Variants in UMODL1 observed in about 807,000 individuals in gnomAD.
UMODL1 encodes the protein uromodulin like 1.
UMODL1 carries 128 observed loss-of-function variants against 136.3 expected under a neutral mutation model. The ratio of observed to expected loss-of-function variants is 0.94; its 90% confidence interval spans 0.81 to 1.09. UMODL1 has a LOEUF of 1.09. Among genes scored for constraint, UMODL1 ranks in the 50% least tolerant of loss-of-function variants. The pLI, the probability that UMODL1 is intolerant of heterozygous loss-of-function variation, is 0.00. For missense variants in UMODL1, 1,766 were observed against 1,725.6 expected, an observed-to-expected ratio of 1.02 and a Z score of -0.41; for synonymous variants, 721 against 720.0, an observed-to-expected ratio of 1.00 and a Z score of -0.02.
At chr21:42,082,865 C>T (rs1444772221) in intron 2 of UMODL1, among the ~76,000 whole-genome samples, 1 of 152,230 alleles carries the variant, frequency 6.6e-6, no homozygotes, top group African/African-American at 2.4e-5. Flanking sequence ...GGACTCCTGA[C>T]AGCTTCCCTT....
chr21:42,081,574 G>A (rs1163546878), intron 2 of UMODL1, among the ~76,000 whole-genome samples: 2 of 152,190 alleles, frequency 1.3e-5, no homozygotes, highest in African/African-American at 4.8e-5. Context: ...CACGCCTCTG[G>A]TGATTAGGCA....
At chr21:42,138,683 C>A (rs2067240805) in intron 22 of UMODL1, among the ~76,000 whole-genome samples, 1 of 151,946 alleles carries the variant, frequency 6.6e-6, no homozygotes, top group Non-Finnish European at 1.5e-5. Context: ...TAAAGCGATT[C>A]TCCTGTCTCA....
rs780127952 is a variant in UMODL1 at position 42,137,526 on chromosome 21, C to G, written c.3863C>G (p.Ala1288Gly). Residue 1288 changes from alanine (A) to glycine (G), a missense_variant, in exon 22 of 23, where the codon GCC (alanine) becomes GGC (glycine). Ala to Gly is a moderately conservative substitution (Grantham distance 60, BLOSUM62 0). Coordinates refer to ENST00000408910, the MANE Select transcript of UMODL1 (RefSeq NM_001004416.3). Reference protein sequence around the residue: ...VAIFVLVAGTATLLIVRYQRM... With the variant: ...VAIFVLVAGTGTLLIVRYQRM... ...ATCTTCGTGCTGGTGGCGGGAACAG[C>G]CACCCTTCTGATCGTGCGCTACCAG... 6.2e-7 allele frequency: 1 copy of G among 1,614,100 alleles called. No homozygotes were observed. Among genetic ancestry groups the G allele is most frequent in the Non-Finnish European group, 8.5e-7 (1 of 1,180,054 alleles).
At position 42,103,947 on chromosome 21, in the gene UMODL1, CGGGAAGTGT is replaced by C. The variant is rs2066675309; in HGVS notation, c.1382_1390del (p.Gly461_Val463del). ...AGAATGCAGATCGTGTCTCTCCAGGCGGGAAGTGTGGTCGTGAGGCTCAAGCTCACCGTG... is the reference window on the plus strand; with the variant it reads ...AGAATGCAGATCGTGTCTCTCCAGGCGGTCGTGAGGCTCAAGCTCACCGTG... On this transcript the variant is annotated inframe_deletion, in exon 9 of 23. Transcript: ENST00000408910. 1 of 1,613,998 alleles carries C rather than the reference CGGGAAGTGT, an allele frequency of 6.2e-7. No homozygotes were observed. Among genetic ancestry groups the C allele is most frequent in the African/African-American group, 1.3e-5 (1 of 74,898 alleles).
In UMODL1 at chr21:42,087,792, AAG is replaced by A. The variant is rs538343674; in HGVS notation, c.604-499_604-498del. 6.6e-5 allele frequency among the ~76,000 whole-genome samples: 10 copies of A among 152,262 alleles called. No homozygotes were observed. The East Asian group carries it at 1.9e-3, about 29-fold the overall frequency. ...TATTCTGTCACAGTTCTGGGGGCTG[AAG>A]AGTCTGAAATCAAGGTGTCGGCAGG... On this transcript the variant is annotated intron_variant, in intron 4 of 22. Coordinates refer to ENST00000408910, the MANE Select transcript of UMODL1 (RefSeq NM_001004416.3).
At chr21:42,113,289 TGG>T (rs2066860367) in intron 12 of UMODL1, among the ~76,000 whole-genome samples, 1 of 151,432 alleles carries the variant, frequency 6.6e-6, no homozygotes, top group Admixed American at 6.6e-5. Flanking sequence ...GCCTTCATTT[TGG>T]GGAGTCCAGG....
At chr21:42,074,918 T>C (rs915747707) in intron 1 of UMODL1, among the ~76,000 whole-genome samples, 3 of 151,814 alleles carry the variant, frequency 2.0e-5, no homozygotes, top group African/African-American at 7.3e-5. Context: ...GTTTTTTTTT[T>C]CAGAGGGAGT....
At chr21:42,111,143 C>T (rs1381720251) in intron 11 of UMODL1, 22 bp downstream of exon 11, 7 of 1,596,536 alleles carry the variant, frequency 4.4e-6, no homozygotes, top group Non-Finnish European at 6.0e-6. Flanking sequence ...TGCCCCGGGT[C>T]TGGGGATGGA....
chr21:42,112,050 C>A lies in UMODL1; in HGVS notation c.2104+340C>A, dbSNP rs189103081. Among the ~76,000 whole-genome samples, 172 of 152,124 alleles carry A rather than the reference C, an allele frequency of 1.1e-3. 1 individual carries two copies. Among genetic ancestry groups the A allele is most frequent in the Admixed American group, 3.1e-3 (47 of 15,286 alleles). On this transcript the variant is annotated intron_variant, in intron 12 of 22. Transcript: ENST00000408910. Reference sequence around the variant, plus strand: ...GCCATCCCCTGAGGTGTTGCCCACCCCCGCTGTCCTGCCTCCTAGCAGAAC... The same window carrying A: ...GCCATCCCCTGAGGTGTTGCCCACCACCGCTGTCCTGCCTCCTAGCAGAAC...
intron 8 of UMODL1, chr21:42,103,463 G>A (rs1159026099): frequency 1.4e-5 from 5 of 359,420 alleles, no homozygotes; most frequent in East Asian, 7.3e-5. Flanking sequence ...CTAGTAAGAG[G>A]GGGGACAGCT....
chr21:42,103,767 A>T, intron 8 of UMODL1, 101 bp from the exon 9 acceptor site: 2 of 1,373,610 alleles, frequency 1.5e-6, no homozygotes, highest in Non-Finnish European at 2.1e-6. Context: ...ATTGTAGAGG[A>T]GAGAAATGGC....
At position 42,126,219 on chromosome 21, in the gene UMODL1, G is replaced by A. The variant is rs184522162; in HGVS notation, c.3148-126G>A. ...TGGTTGGGAGAATCGCCAGGATCTC[G>A]ATGCTGCTGGGGAGAGGCTTTAGAG... On this transcript the variant is annotated intron_variant, in intron 17 of 22. Coordinates refer to ENST00000408910, the MANE Select transcript of UMODL1 (RefSeq NM_001004416.3). 13 of 1,384,086 alleles carry A rather than the reference G, an allele frequency of 9.4e-6. No homozygotes were observed. In the Admixed American group the frequency reaches 1.2e-4, roughly 13 times the overall value. 85.7% of individuals were successfully genotyped at this position (1,384,086 alleles called of 1,614,324 possible).
At chr21:42,118,884 TG>T (rs35951407) in intron 14 of UMODL1, among the ~76,000 whole-genome samples, 95,556 of 151,910 alleles carry the variant, frequency 0.63, 30,344 homozygotes, top group Middle Eastern at 0.78. Context: ...TTTACTGGTT[TG>T]GGGGGGGAAA....
intron 13 of UMODL1, 149 bp downstream of exon 13, chr21:42,113,979 A>T: frequency 8.5e-7 from 1 of 1,176,006 alleles, no homozygotes; most frequent in Non-Finnish European, 1.2e-6. Flanking sequence ...TGGCTTCAGC[A>T]GGCGTGCAAT....
intron 9 of UMODL1, 62 bp downstream of exon 9, chr21:42,104,149 CTT>C: frequency 6.7e-7 from 1 of 1,496,768 alleles, no homozygotes; most frequent in South Asian, 1.2e-5. Flanking sequence ...CTCTTGGTGA[CTT>C]TATTTGAGTC....
chr21:42,132,816 G>C (rs2067151604), intron 21 of UMODL1, among the ~76,000 whole-genome samples: 1 of 152,194 alleles, frequency 6.6e-6, no homozygotes, highest in Non-Finnish European at 1.5e-5. Flanking sequence ...TAATAATTTT[G>C]TGGCTTTGTG....
chr21:42,126,330 C>T lies in UMODL1; in HGVS notation c.3148-15C>T. Reference sequence around the variant, plus strand: ...CTGGGGCCTGGGAGCTCCTCATGCTCCGCTTTGTGCTCAGAACATGACGAA... The same window carrying T: ...CTGGGGCCTGGGAGCTCCTCATGCTTCGCTTTGTGCTCAGAACATGACGAA... On this transcript the variant is annotated splice_polypyrimidine_tract_variant and intron_variant, in intron 17 of 22. Transcript: ENST00000408910. 1 of 1,613,714 alleles carries T rather than the reference C, an allele frequency of 6.2e-7. No individual in the cohort carries two copies. Among genetic ancestry groups the T allele is most frequent in the Admixed American group, 1.7e-5 (1 of 60,034 alleles).
chr21:42,124,600 A>G (rs2067026850), intron 17 of UMODL1, among the ~76,000 whole-genome samples: 1 of 151,914 alleles, frequency 6.6e-6, no homozygotes, highest in Non-Finnish European at 1.5e-5. Flanking sequence ...CTGGTGGGAA[A>G]GTGGGGCTGT....
chr21:42,122,672 TG>T lies in UMODL1; in HGVS notation c.2828-158del, dbSNP rs2066991327. On this transcript the variant is annotated intron_variant, in intron 16 of 22. Coordinates refer to ENST00000408910, the MANE Select transcript of UMODL1 (RefSeq NM_001004416.3). This position sits in a 1 kb window ranked among gnomAD's most constrained non-coding sequence, Gnocchi z 4.3. ...GTGTGCATATGTGTGCGTGTGTGTG[TG>T]TGTGTGTGCACGTGTGTAGTTGTGG... Among the ~76,000 whole-genome samples the T allele has an allele frequency of 1.3e-5, 2 of 152,102 alleles. No homozygotes were observed. Among genetic ancestry groups the T allele is most frequent in the Admixed American group, 6.5e-5 (1 of 15,282 alleles).
Sources: gnomAD v4.1 joint callset for allele counts (sites outside exome capture counted in the v4.1 genomes callset) on GRCh38, gnomAD v4.1.1 for gene constraint, Gnocchi (gnomAD v3.1) non-coding constraint, MANE v1.5 for transcripts, NCBI Gene and HGNC (gene_info 2026-07-23, HGNC 2026-07-21) for gene names.